Variants in GSE1 observed in about 807,000 individuals in gnomAD.
GSE1 encodes Gse1 coiled-coil protein, also known as genetic suppressor element 1.
In GSE1, 32 loss-of-function variants were observed where a neutral mutation model predicts 112.6. The ratio of observed to expected loss-of-function variants is 0.28; its 90% confidence interval spans 0.21 to 0.38. The LOEUF (loss-of-function observed/expected upper bound fraction) is 0.38. Ranked by LOEUF, GSE1 falls within the 10% of genes least tolerant of loss-of-function variation. The probability of loss-of-function intolerance (pLI) is 1.00; values close to 1 mark genes in which losing one functional copy is unlikely to be tolerated. For synonymous variants in GSE1, 1,115 were observed against 735.6 expected, an observed-to-expected ratio of 1.52 and a Z score of -8.35; for missense variants, 2,348 against 1,699.2, an observed-to-expected ratio of 1.38 and a Z score of -6.71.
At chr16:85,477,590 T>A (rs2151860203) in intron 2 of GSE1, among the ~76,000 whole-genome samples, 1 of 148,644 alleles carries the variant, frequency 6.7e-6, no homozygotes, top group South Asian at 2.1e-4. Flanking sequence ...AGATGGAGTC[T>A]CGCTCTGTCG....
chr16:85,527,007 A>G (rs1201684895), intron 2 of GSE1, among the ~76,000 whole-genome samples: 1 of 152,196 alleles, frequency 6.6e-6, no homozygotes, highest in Non-Finnish European at 1.5e-5. Flanking sequence ...ACAGTGTTGT[A>G]AAAATATTGT....
intron 1 of GSE1, among the ~76,000 whole-genome samples, chr16:85,558,792 A>G (rs1358175840): frequency 1.3e-5 from 2 of 152,176 alleles, no homozygotes; most frequent in African/African-American, 2.4e-5. Context: ...GGGAAGAACT[A>G]TGGTCAGGGA....
At chr16:85,652,950 G>C (rs1161293669) in intron 3 of GSE1, among the ~76,000 whole-genome samples, 2 of 151,812 alleles carry the variant, frequency 1.3e-5, no homozygotes, top group Admixed American at 1.3e-4. Context: ...TGGCCAGATG[G>C]AACGTGAGGA....
At chr16:85,647,291 C>A (rs1460324739) in intron 2 of GSE1, among the ~76,000 whole-genome samples, 1 of 152,192 alleles carries the variant, frequency 6.6e-6, no homozygotes, top group African/African-American at 2.4e-5. Flanking sequence ...CTGCAGCCAC[C>A]CATTCTCCCA....
intron 2 of GSE1, among the ~76,000 whole-genome samples, chr16:85,391,271 C>G (rs1567730791): frequency 6.6e-6 from 1 of 152,256 alleles, no homozygotes; most frequent in Non-Finnish European, 1.5e-5. Flanking sequence ...GTCCCACGCA[C>G]CCACCCGAAG....
chr16:85,471,792 C>G (rs2151846888), intron 2 of GSE1, among the ~76,000 whole-genome samples: 2 of 152,246 alleles, frequency 1.3e-5, no homozygotes, highest in East Asian at 3.9e-4. Flanking sequence ...TCACTGCAGC[C>G]TTGAACTCCT....
intron 1 of GSE1, among the ~76,000 whole-genome samples, chr16:85,616,855 C>T (rs2048402331): frequency 6.6e-6 from 1 of 152,080 alleles, no homozygotes; most frequent in African/African-American, 2.4e-5. Flanking sequence ...TTATTGAGCT[C>T]CTCCTCTGAA....
chr16:85,417,693 C>A (rs368418581), intron 2 of GSE1, among the ~76,000 whole-genome samples: 4 of 152,192 alleles, frequency 2.6e-5, no homozygotes, highest in Non-Finnish European at 4.4e-5. Flanking sequence ...GGCGCTGGGC[C>A]CAGGCTATTC....
Position 85,672,512 on chromosome 16 carries a change from G to C in GSE1, c.3627G>C (p.Arg1209Ser). The change falls in exon 16 of 16, where the codon AGG becomes AGC. Residue 1209 changes from arginine to serine, a missense_variant. Arg to Ser is a moderately radical substitution (Grantham distance 110). Coordinates refer to ENST00000253458, the MANE Select transcript of GSE1 (RefSeq NM_014615.5). ...CCTTGCCTGCAATGCACTGGCCTAG[G>C]GGCTACCTGAAGGGATATCCCAGGT... ...CLALPAMHWP[R>S]GYLKGYPR The C allele has an allele frequency of 1.2e-6, 2 of 1,611,264 alleles. No homozygotes were observed. The highest frequency in any genetic ancestry group is 8.5e-7 in the Non-Finnish European group (1 of 1,177,682).
chr16:85,268,808 A>C (rs1174415632), intron 1 of GSE1, among the ~76,000 whole-genome samples: 1 of 152,142 alleles, frequency 6.6e-6, no homozygotes, highest in East Asian at 1.9e-4. Context: ...CCTGTGAGCC[A>C]CCACCTTCCA....
rs1383170924 is a variant in GSE1, at chr16:85,661,358, C to T, written c.1853C>T (p.Ala618Val). 4.3e-6 allele frequency: 7 copies of T among 1,612,120 alleles called. No homozygotes were observed. Among genetic ancestry groups the T allele is most frequent in the South Asian group, 2.2e-5 (2 of 91,022 alleles). Residue 618 changes from alanine to valine, a missense_variant, in exon 9 of 16, where the codon GCA (alanine) becomes GTA (valine). Transcript: ENST00000253458. ...HPAAFEPSRQ[A>V]AVPLVKVERV... ...GCTGCATTTGAGCCCAGCCGCCAGG[C>T]AGCCGTGCCGCTGGTGAAGGTGGAG...
In GSE1 at chr16:85,333,100, A is replaced by C. The variant is rs4783166; in HGVS notation, c.2284-24363A>C. On this transcript the variant is annotated intron_variant, in intron 1 of 2. Coordinates refer to the GSE1 transcript ENST00000637419. Reference sequence around the variant, plus strand: ...GAAACCCCCAAATCAGCCAGCACTCACCCAGGGCTGCAGAGCTGGGAGGTG... The same window carrying C: ...GAAACCCCCAAATCAGCCAGCACTCCCCCAGGGCTGCAGAGCTGGGAGGTG... Among the ~76,000 whole-genome samples, 586 of 152,030 alleles carry C rather than the reference A, an allele frequency of 3.9e-3. 9 individuals carry two copies. Among genetic ancestry groups the C allele is most frequent in the Admixed American group, 0.035 (529 of 15,290 alleles).
At chr16:85,556,849 C>A (rs189260663) in intron 1 of GSE1, among the ~76,000 whole-genome samples, 3 of 151,858 alleles carry the variant, frequency 2.0e-5, no homozygotes, top group Non-Finnish European at 4.4e-5. Context: ...CCCCCGCCGC[C>A]CCCCTTCCTG....
In GSE1 at chr16:85,311,085, A is replaced by G. The variant is rs949092034; in HGVS notation, c.2284-46378A>G. 6.6e-6 allele frequency among the ~76,000 whole-genome samples: 1 copy of G among 152,198 alleles called. No homozygotes were observed. The highest frequency in any genetic ancestry group is 6.5e-5 in the Admixed American group (1 of 15,280). On this transcript the variant is annotated intron_variant, in intron 1 of 2. Transcript: ENST00000637419. This position sits in a 1 kb window ranked among gnomAD's most constrained non-coding sequence, Gnocchi z 4.2. The stretch of plus-strand genomic sequence containing the variant: ...AAGAAGGATTATCTCGTCCTCCAGC[A>G]GGCAGGGCATCTGACAGCCGTGGAG...
chr16:85,637,758 A>C (rs1167040496), intron 2 of GSE1, among the ~76,000 whole-genome samples: 1 of 150,924 alleles, frequency 6.6e-6, no homozygotes, highest in Non-Finnish European at 1.5e-5. Context: ...AGAAAGGGAG[A>C]CCGGGCCTCT....
chr16:85,223,242 T>G (rs2075424038), intron 1 of GSE1, among the ~76,000 whole-genome samples: 1 of 152,186 alleles, frequency 6.6e-6, no homozygotes, highest in South Asian at 2.1e-4. Flanking sequence ...GGTAAAATAG[T>G]CTGGGCACGT....
At chr16:85,308,702 C>A in intron 1 of GSE1, among the ~76,000 whole-genome samples, 1 of 151,938 alleles carries the variant, frequency 6.6e-6, no homozygotes, top group East Asian at 1.9e-4. Flanking sequence ...GGAAGGCTCT[C>A]GCTCTGTCAG....
intron 1 of GSE1, among the ~76,000 whole-genome samples, chr16:85,305,520 A>G (rs971039530): frequency 8.6e-5 from 13 of 151,498 alleles, no homozygotes; most frequent in African/African-American, 1.2e-4. Flanking sequence ...TTGCTCTGTC[A>G]CCCAGGCTGG....
chr16:85,323,782 C>T (rs1334181725), intron 1 of GSE1, among the ~76,000 whole-genome samples: 1 of 152,172 alleles, frequency 6.6e-6, no homozygotes, highest in Non-Finnish European at 1.5e-5. Context: ...CCATTGCCAC[C>T]CTAATGTGCT....
Sources: allele counts gnomAD v4.1 joint callset (sites outside exome capture counted in the v4.1 genomes callset), GRCh38; gene constraint gnomAD v4.1.1; non-coding constraint Gnocchi (gnomAD v3.1); transcripts MANE v1.5; gene names NCBI Gene and HGNC (gene_info 2026-07-23, HGNC 2026-07-21).